The following TBC1D5 variants were observed in gnomAD, a reference collection of about 807,000 sequenced individuals.
TBC1D5 encodes TBC1 domain family, member 5.
A neutral mutation model predicts 100.3 loss-of-function variants in TBC1D5; 75 were observed. The ratio of observed to expected loss-of-function variants is 0.75; its 90% CI spans 0.62 to 0.91. The LOEUF (loss-of-function observed/expected upper bound fraction) is 0.91, where lower values mean the gene tolerates loss of function less well. Among genes scored for constraint, TBC1D5 ranks in the 40% least tolerant of loss-of-function variants. The pLI is 0.00. For synonymous variants in TBC1D5, 323 were observed against 325.6 expected, an observed-to-expected ratio of 0.99 and a Z score of 0.09; for missense variants, 910 against 942.4, an observed-to-expected ratio of 0.97 and a Z score of 0.45.
chr3:17,729,434 G>A (rs1183113795), intron 1 of TBC1D5, among the ~76,000 whole-genome samples: 2 of 152,100 alleles, frequency 1.3e-5, no homozygotes, highest in South Asian at 2.1e-4. Flanking sequence ...CAGGCCGGGC[G>A]AGGTGGCTCA....
intron 3 of TBC1D5, among the ~76,000 whole-genome samples, chr3:17,437,288 T>G (rs2094552747): frequency 6.6e-6 from 1 of 152,170 alleles, no homozygotes; most frequent in Non-Finnish European, 1.5e-5. Context: ...TCTGCTATGA[T>G]AACACAAAAC....
intron 1 of TBC1D5, among the ~76,000 whole-genome samples, chr3:17,726,992 AG>A (rs2076179731): frequency 6.6e-6 from 1 of 152,214 alleles, no homozygotes; most frequent in South Asian, 2.1e-4. Flanking sequence ...ACTAATAGAT[AG>A]TAAGATTCTG....
intron 4 of TBC1D5, among the ~76,000 whole-genome samples, chr3:17,407,565 A>T (rs1437325271): frequency 6.6e-6 from 1 of 152,184 alleles, no homozygotes; most frequent in Non-Finnish European, 1.5e-5. Context: ...GTCACTGGCC[A>T]GACCCTACTT....
At chr3:17,231,883 T>A (rs2075452335) in intron 17 of TBC1D5, among the ~76,000 whole-genome samples, 1 of 152,124 alleles carries the variant, frequency 6.6e-6, no homozygotes, top group Non-Finnish European at 1.5e-5. Flanking sequence ...TGCTAGGGTA[T>A]GGGAGGCAGA....
At chr3:17,677,221 T>A (rs922087253) in intron 1 of TBC1D5, among the ~76,000 whole-genome samples, 3 of 151,954 alleles carry the variant, frequency 2.0e-5, no homozygotes, top group Non-Finnish European at 4.4e-5. Context: ...AGGCAACCTA[T>A]AGAATGGGAA....
intron 14 of TBC1D5, among the ~76,000 whole-genome samples, chr3:17,298,888 A>AT: frequency 6.6e-6 from 1 of 152,244 alleles, no homozygotes; most frequent in African/African-American, 2.4e-5. Context: ...AACACAGAGG[A>AT]TTTTTAGGAT....
At chr3:17,345,413 G>C (rs2089713252) in intron 13 of TBC1D5, among the ~76,000 whole-genome samples, 1 of 151,990 alleles carries the variant, frequency 6.6e-6, no homozygotes, top group Admixed American at 6.5e-5. Flanking sequence ...TAAAAAGTCA[G>C]GAAACAACAG....
chr3:17,527,738 A>T (rs1179542976), intron 2 of TBC1D5, among the ~76,000 whole-genome samples: 1 of 152,116 alleles, frequency 6.6e-6, no homozygotes, highest in African/African-American at 2.4e-5. Flanking sequence ...AAACCAAAAA[A>T]CTTAGTAAAA....
chr3:17,355,557 T>C (rs1017798594), intron 13 of TBC1D5, among the ~76,000 whole-genome samples: 5 of 152,178 alleles, frequency 3.3e-5, no homozygotes, highest in Admixed American at 3.3e-4. Context: ...ATCAAGTATA[T>C]TGTTTTGGTT....
At chr3:17,679,025 TAG>T (rs1491437955) in intron 1 of TBC1D5, among the ~76,000 whole-genome samples, 2 of 149,558 alleles carry the variant, frequency 1.3e-5, no homozygotes, top group East Asian at 1.9e-4. Context: ...GAGAGTAAAA[TAG>T]AGTTATTTCA....
At chr3:17,505,085 G>A (rs2095830484) in intron 3 of TBC1D5, among the ~76,000 whole-genome samples, 2 of 152,156 alleles carry the variant, frequency 1.3e-5, no homozygotes, top group Non-Finnish European at 2.9e-5. Flanking sequence ...TTTTATGAAT[G>A]ACAATAGAAA....
At chr3:17,493,170 T>G (rs2095660385) in intron 3 of TBC1D5, among the ~76,000 whole-genome samples, 1 of 152,246 alleles carries the variant, frequency 6.6e-6, no homozygotes, top group African/African-American at 2.4e-5. Flanking sequence ...TGAAAAGGAT[T>G]TAATTTCTCC....
chr3:17,551,186 A>T (rs1425899890), intron 2 of TBC1D5, among the ~76,000 whole-genome samples: 1 of 152,166 alleles, frequency 6.6e-6, no homozygotes, highest in Non-Finnish European at 1.5e-5. Context: ...TTGGGTTCCT[A>T]TCATGCTGAT....
Position 17,325,266 on chromosome 3 carries a change from G to GC in TBC1D5, c.996-17133_996-17132insG, listed in dbSNP as rs1362597268. Among the ~76,000 whole-genome samples, 457 of 91,446 alleles carry GC rather than the reference G, an allele frequency of 5.0e-3. 1 individual carries two copies. Among genetic ancestry groups the GC allele is most frequent in the African/African-American group, 0.022 (442 of 20,558 alleles). 60.0% of individuals were successfully genotyped at this position (91,446 alleles called of 152,430 possible). On this transcript the variant is annotated intron_variant, in intron 13 of 21. Transcript: ENST00000253692. ...TATCCAGAAACTGGAATAGTACTCA[G>GC]TTAAAAAAAAAAAAAAAAGAAATGA...
chr3:17,501,194 C>G (rs2095784249), intron 3 of TBC1D5, among the ~76,000 whole-genome samples: 1 of 148,980 alleles, frequency 6.7e-6, no homozygotes, highest in Admixed American at 6.6e-5. Flanking sequence ...TCCTTGATAT[C>G]TAGGGTGAAT....
intron 8 of TBC1D5, among the ~76,000 whole-genome samples, chr3:17,397,433 A>T (rs2093537634): frequency 6.6e-6 from 1 of 152,112 alleles, no homozygotes; most frequent in African/African-American, 2.4e-5. Context: ...GTGCACTGGC[A>T]TGACCACAGC....
intron 1 of TBC1D5, among the ~76,000 whole-genome samples, chr3:17,725,449 T>G (rs374384304): frequency 6.6e-6 from 1 of 151,876 alleles, no homozygotes; most frequent in African/African-American, 2.4e-5. Context: ...GGCAAGAGCA[T>G]AGCAGGGTTT....
At chr3:17,529,669 CAG>C (rs1449786389) in intron 2 of TBC1D5, among the ~76,000 whole-genome samples, 1 of 151,190 alleles carries the variant, frequency 6.6e-6, no homozygotes, top group Admixed American at 6.6e-5. Flanking sequence ...TTTTTTGAGA[CAG>C]AGTCTTGTTC....
chr3:17,204,953 T>C (rs1205719814), intron 18 of TBC1D5, among the ~76,000 whole-genome samples: 1 of 152,170 alleles, frequency 6.6e-6, no homozygotes, highest in South Asian at 2.1e-4. Context: ...CAAAGATATA[T>C]AGTCTACTCT....
Sources: gnomAD v4.1 joint callset for allele counts (sites outside exome capture counted in the v4.1 genomes callset) on GRCh38, gnomAD v4.1.1 for gene constraint, MANE v1.5 for transcripts, NCBI Gene and HGNC (gene_info 2026-07-23, HGNC 2026-07-21) for gene names.